SRGAP2B: variants seen among roughly 807,000 people sequenced by gnomAD.
SRGAP2B encodes the protein SLIT-ROBO Rho GTPase activating protein 2B, also known as SLIT-ROBO Rho GTPase-activating protein 2B.
In SRGAP2B, 9 loss-of-function variants were observed where a neutral mutation model predicts 22.2. The ratio of observed to expected loss-of-function variants is 0.41; its 90% CI spans 0.24 to 0.71. The LOEUF (loss-of-function observed/expected upper bound fraction) is 0.71, where lower values mean the gene tolerates loss of function less well. Among genes scored for constraint, SRGAP2B ranks in the 30% least tolerant of loss-of-function variants. The probability of loss-of-function intolerance (pLI) is 0.35; values close to 1 mark genes in which losing one functional copy is unlikely to be tolerated. For synonymous variants in SRGAP2B, 36 were observed against 87.4 expected (o/e 0.41, Z 3.28); for missense variants, 114 against 235.8 (o/e 0.48, Z 3.38).
chr1:145,041,051 T>C (rs1649166959), intron 2 of SRGAP2B, among the ~76,000 whole-genome samples: 2 of 119,756 alleles, frequency 1.7e-5, no homozygotes, highest in African/African-American at 3.5e-5. Context: ...TGAAAAAATA[T>C]CATTTGTTGC....
intron 2 of SRGAP2B, among the ~76,000 whole-genome samples, chr1:145,022,563 G>T (rs1413179021): frequency 1.4e-5 from 2 of 146,878 alleles, no homozygotes; most frequent in East Asian, 2.0e-4. Context: ...TGACCAAAGG[G>T]AACATCTGAG....
chr1:145,068,911 G>A (rs1308146624), intron 2 of SRGAP2B, among the ~76,000 whole-genome samples: 57 of 94,260 alleles, frequency 6.0e-4, no homozygotes, highest in South Asian at 2.3e-3. Flanking sequence ...GTGTGTGTGT[G>A]TGTGTGTGTG....
At chr1:145,020,729 T>C (rs1354580645) in intron 2 of SRGAP2B, among the ~76,000 whole-genome samples, 3 of 149,262 alleles carry the variant, frequency 2.0e-5, no homozygotes, top group Admixed American at 2.0e-4. Context: ...AATGAATAAT[T>C]GTAAAACATA....
At chr1:145,007,802 C>CTTTTTTTT (rs880001624) in intron 2 of SRGAP2B, among the ~76,000 whole-genome samples, 13 of 101,186 alleles carry the variant, frequency 1.3e-4, no homozygotes, top group African/African-American at 3.5e-4. Flanking sequence ...ATTTCTTCTT[C>CTTTTTTTT]TTTTTTTTTT....
chr1:145,017,394 A>G (rs1222403877), intron 2 of SRGAP2B, among the ~76,000 whole-genome samples: 1 of 145,068 alleles, frequency 6.9e-6, no homozygotes, highest in Non-Finnish European at 1.5e-5. Context: ...AAAAGACACA[A>G]AATAACACAA....
rs1275970838 is a variant in SRGAP2B, at chr1:145,075,838, A to G, written c.67+16997T>C. The stretch of plus-strand genomic sequence containing the variant: ...CACGGTGGCTCACACCTGTAATCCC[A>G]GCACTTTGGGAGGCCAAGGTGGGAA... On this transcript the variant is annotated intron_variant, in intron 2 of 9. Coordinates refer to ENST00000612199, the Ensembl canonical transcript of SRGAP2B. Among the ~76,000 whole-genome samples, 2 of 149,422 alleles carry G rather than the reference A, an allele frequency of 1.3e-5. 1 individual carries two copies. The highest frequency in any genetic ancestry group is 5.0e-5 in the African/African-American group (2 of 39,768).
chr1:145,030,238 G>A (rs1648112407), intron 2 of SRGAP2B, among the ~76,000 whole-genome samples: 1 of 148,088 alleles, frequency 6.8e-6, no homozygotes, highest in South Asian at 2.1e-4. Flanking sequence ...CCTCCATTCT[G>A]CTCCCATTTT....
At position 145,064,243 on chromosome 1, in the gene SRGAP2B, AG is replaced by A. The variant is rs1220580878; in HGVS notation, c.67+28591del. 2.6e-4 allele frequency among the ~76,000 whole-genome samples: 38 copies of A among 146,658 alleles called. 1 individual carries two copies. Among genetic ancestry groups the A allele is most frequent in the African/African-American group, 1.0e-3 (37 of 36,794 alleles). On this transcript the variant is annotated intron_variant, in intron 2 of 9. Transcript: ENST00000612199. Reference sequence around the variant, plus strand: ...ATGCAGCACTGTCACATGGGGATTCAGGTACCCAGCTTTGCTGGTAGACAAA... The same window carrying A: ...ATGCAGCACTGTCACATGGGGATTCAGTACCCAGCTTTGCTGGTAGACAAA...
At chr1:145,006,037 T>C (rs1570989860) in intron 2 of SRGAP2B, among the ~76,000 whole-genome samples, 1 of 150,822 alleles carries the variant, frequency 6.6e-6, no homozygotes, top group African/African-American at 2.5e-5. Context: ...GCAATGGCTG[T>C]TCCTGGGCCT....
intron 2 of SRGAP2B, among the ~76,000 whole-genome samples, chr1:145,021,417 C>A (rs1408156923): frequency 9.1e-4 from 76 of 83,418 alleles, no homozygotes; most frequent in African/African-American, 4.2e-3. Flanking sequence ...TTCTGAATAC[C>A]ATCATCTAGA....
intron 1 of SRGAP2B, among the ~76,000 whole-genome samples, chr1:145,094,045 AGAG>A (rs1553636608): frequency 7.1e-6 from 1 of 139,948 alleles, no homozygotes; most frequent in African/African-American, 2.8e-5. Flanking sequence ...GAAACGGGTT[AGAG>A]GATAGGGTCG....
At chr1:145,093,851 G>T (rs1471228762) in intron 1 of SRGAP2B, among the ~76,000 whole-genome samples, 6 of 144,200 alleles carry the variant, frequency 4.2e-5, no homozygotes, top group Non-Finnish European at 9.1e-5. Context: ...ATCAAAGCCG[G>T]GGAGGGACAA....
intron 4 of SRGAP2B, among the ~76,000 whole-genome samples, chr1:144,921,134 C>G (rs1267270109): frequency 6.9e-5 from 10 of 145,742 alleles, no homozygotes; most frequent in Non-Finnish European, 1.5e-4. Flanking sequence ...CTTCCAATCT[C>G]AAAGGTATTA....
intron 2 of SRGAP2B, among the ~76,000 whole-genome samples, chr1:145,022,591 A>T (rs1553624316): frequency 6.7e-6 from 1 of 148,852 alleles, no homozygotes; most frequent in African/African-American, 2.6e-5. Flanking sequence ...GTCAGAGATC[A>T]TGGCTTTTCT....
At chr1:145,081,160 G>T (rs1553634680) in intron 2 of SRGAP2B, among the ~76,000 whole-genome samples, 1 of 149,110 alleles carries the variant, frequency 6.7e-6, no homozygotes, top group African/African-American at 2.6e-5. Flanking sequence ...TCACTTACTA[G>T]CCATGTGCTT....
intron 2 of SRGAP2B, among the ~76,000 whole-genome samples, chr1:145,020,102 T>C (rs1176402598): frequency 1.4e-5 from 2 of 145,738 alleles, no homozygotes; most frequent in Admixed American, 1.4e-4. Flanking sequence ...ATCTAAAAGC[T>C]CCCTACCCCT....
chr1:144,965,500 C>A (rs1274118041), intron 3 of SRGAP2B, among the ~76,000 whole-genome samples: 4 of 145,592 alleles, frequency 2.7e-5, no homozygotes, highest in African/African-American at 1.1e-4. Context: ...ACATCACCAT[C>A]ATCAAAGACC....
At chr1:144,973,234 G>A (rs1553613621) in intron 3 of SRGAP2B, among the ~76,000 whole-genome samples, 1 of 148,210 alleles carries the variant, frequency 6.7e-6, no homozygotes, top group Non-Finnish European at 1.5e-5. Context: ...ATTCCAGCTT[G>A]TAGTATAAAA....
At chr1:144,996,142 G>A (rs1353969903) in intron 2 of SRGAP2B, among the ~76,000 whole-genome samples, 1 of 151,272 alleles carries the variant, frequency 6.6e-6, no homozygotes. Flanking sequence ...CTCAAATGCA[G>A]CACTGCATTT....
Sources: gnomAD v4.1 joint callset for allele counts (sites outside exome capture counted in the v4.1 genomes callset) on GRCh38, gnomAD v4.1.1 for gene constraint, MANE v1.5 for transcripts, NCBI Gene and HGNC (gene_info 2026-07-23, HGNC 2026-07-21) for gene names.